CELF4: variants seen among roughly 807,000 people sequenced by gnomAD.
CELF4 encodes CUGBP Elav-like family member 4.
In CELF4, 18 loss-of-function variants were observed where a neutral mutation model predicts 59.9. That is an observed-to-expected ratio of 0.30 (90% confidence interval 0.21 to 0.45). The LOEUF (loss-of-function observed/expected upper bound fraction) is 0.45, where lower values mean the gene tolerates loss of function less well. CELF4 is among the 20% of genes least tolerant of loss of function. The probability of loss-of-function intolerance (pLI) is 1.00; values close to 1 mark genes in which losing one functional copy is unlikely to be tolerated. For synonymous variants in CELF4, 261 were observed against 267.1 expected (o/e 0.98, Z 0.22); for missense variants, 456 against 689.0 (o/e 0.66, Z 3.79).
rs527300608 is a variant in CELF4 at position 37,322,126 on chromosome 18, C to T, written c.370-245G>A. Among the ~76,000 whole-genome samples the T allele has an allele frequency of 1.1e-3, 174 of 152,354 alleles. 2 individuals carry two copies. The highest frequency in any genetic ancestry group is 2.1e-3 in the Non-Finnish European group (145 of 68,036). ...CTGGACAGGAGACTTTGAGATGCCTCCTCCTCCTACTCCGAGCAGCAGCTC... is the reference window on the plus strand; with the variant it reads ...CTGGACAGGAGACTTTGAGATGCCTTCTCCTCCTACTCCGAGCAGCAGCTC... On this transcript the variant is annotated intron_variant, in intron 2 of 12. Coordinates refer to ENST00000420428, the MANE Select transcript of CELF4 (RefSeq NM_020180.4).
chr18:37,467,820 G>A (rs985231746), intron 2 of CELF4, among the ~76,000 whole-genome samples: 3 of 152,182 alleles, frequency 2.0e-5, no homozygotes, highest in Non-Finnish European at 4.4e-5. Flanking sequence ...AATTCCAAAG[G>A]AGTCTGAGAA....
At position 37,254,327 on chromosome 18, in the gene CELF4, G is replaced by C. The variant is rs1260189664; in HGVS notation, c.1334-389C>G. ...CACCTGCGGGTGGAGGAGTTTATTG[G>C]ACACTGTCCTCCCTGACAGGAGGGG... is the stretch of plus-strand genomic sequence containing the variant. On this transcript the variant is annotated intron_variant, in intron 11 of 12. Transcript: ENST00000420428. The surrounding 1 kb of genome is among the most constrained non-coding windows in gnomAD (Gnocchi z 5.1). 6.6e-6 allele frequency among the ~76,000 whole-genome samples: 1 copy of C among 151,816 alleles called. No individual in the cohort carries two copies. Among genetic ancestry groups the C allele is most frequent in the Non-Finnish European group, 1.5e-5 (1 of 67,870 alleles).
chr18:37,470,877 T>TGAGAGAGAGAGA (rs1569569550), intron 2 of CELF4, among the ~76,000 whole-genome samples: 6 of 96,984 alleles, frequency 6.2e-5, no homozygotes, highest in Non-Finnish European at 1.3e-4. Context: ...TGTGTGTGTG[T>TGAGAGAGAGAGA]GTGTGTGTGT....
At chr18:37,322,003 A>G (rs746219715) in intron 2 of CELF4, 122 bp from the exon 3 acceptor site, 13 of 650,958 alleles carry the variant, frequency 2.0e-5, no homozygotes, top group Non-Finnish European at 3.3e-5. Flanking sequence ...ACGCGCTCCC[A>G]CAACATGCTG....
intron 1 of CELF4, among the ~76,000 whole-genome samples, chr18:37,520,824 G>T (rs975279090): frequency 1.3e-5 from 2 of 152,160 alleles, no homozygotes; most frequent in Admixed American, 1.3e-4. Flanking sequence ...CTCACAGTAG[G>T]TGTTCAGTCC....
intron 2 of CELF4, among the ~76,000 whole-genome samples, chr18:37,468,213 G>A (rs557143757): frequency 1.8e-4 from 27 of 152,318 alleles, no homozygotes; most frequent in East Asian, 5.8e-4. Flanking sequence ...TTTCAAATGC[G>A]TCTTTGGTTG....
chr18:37,481,626 C>A (rs535831946), intron 2 of CELF4, among the ~76,000 whole-genome samples: 1 of 152,322 alleles, frequency 6.6e-6, no homozygotes, highest in East Asian at 1.9e-4. Flanking sequence ...GCCTCTCCTG[C>A]CCTGTGTGAG....
At chr18:37,273,960 C>A (rs553509053) in intron 6 of CELF4, 2 of 1,120,476 alleles carry the variant, frequency 1.8e-6, no homozygotes, top group African/African-American at 1.7e-5. Context: ...TGGTTTGCAA[C>A]CAATGACCTG....
At chr18:37,496,714 G>A (rs1603642677) in intron 1 of CELF4, among the ~76,000 whole-genome samples, 1 of 152,244 alleles carries the variant, frequency 6.6e-6, no homozygotes, top group East Asian at 1.9e-4. Context: ...CAGTCCAGCT[G>A]TCGATAGAGG....
intron 3 of CELF4, among the ~76,000 whole-genome samples, chr18:37,293,662 A>G (rs1274354971): frequency 1.3e-5 from 2 of 152,188 alleles, no homozygotes; most frequent in Admixed American, 6.5e-5. Context: ...GAAGGAAGGG[A>G]CAGGCCAAGT....
At chr18:37,268,388 A>G (rs2078767997) in intron 8 of CELF4, among the ~76,000 whole-genome samples, 1 of 152,176 alleles carries the variant, frequency 6.6e-6, no homozygotes, top group African/African-American at 2.4e-5. Flanking sequence ...TAGAAGGAGA[A>G]CCACGTCCGG....
At chr18:37,552,055 T>A (rs1391788764) in intron 1 of CELF4, among the ~76,000 whole-genome samples, 1 of 152,252 alleles carries the variant, frequency 6.6e-6, no homozygotes, top group African/African-American at 2.4e-5. Context: ...AGGCTGGGCT[T>A]ATGCCGTCTT....
intron 2 of CELF4, among the ~76,000 whole-genome samples, chr18:37,331,119 C>A (rs2097528003): frequency 6.6e-6 from 1 of 152,206 alleles, no homozygotes; most frequent in African/African-American, 2.4e-5. Context: ...CAGCTCTTCA[C>A]CCCTCTCCAT....
chr18:37,564,971 C>T (rs1223955664), intron 1 of CELF4, among the ~76,000 whole-genome samples: 1 of 152,134 alleles, frequency 6.6e-6, no homozygotes, highest in Non-Finnish European at 1.5e-5. Context: ...CCTCGGTCCT[C>T]GGCCGGCCAG....
intron 12 of CELF4, among the ~76,000 whole-genome samples, chr18:37,249,044 C>G (rs1014874447): frequency 6.6e-6 from 1 of 152,196 alleles, no homozygotes; most frequent in African/African-American, 2.4e-5. Context: ...CGGCCTCCAG[C>G]TCAACCTTCA....
At chr18:37,543,450 T>G (rs530979857) in intron 1 of CELF4, among the ~76,000 whole-genome samples, 3 of 152,270 alleles carry the variant, frequency 2.0e-5, no homozygotes, top group Non-Finnish European at 4.4e-5. Flanking sequence ...CTGAATTTAC[T>G]TTTGCTTGGG....
intron 2 of CELF4, among the ~76,000 whole-genome samples, chr18:37,467,126 C>G (rs780523752): frequency 6.6e-6 from 1 of 152,214 alleles, no homozygotes; most frequent in South Asian, 2.1e-4. Context: ...TGTCACTATA[C>G]GGGTCATTAT....
chr18:37,264,968 G>A (rs934587395), intron 9 of CELF4, among the ~76,000 whole-genome samples: 15 of 151,618 alleles, frequency 9.9e-5, no homozygotes, highest in African/African-American at 3.1e-4. Flanking sequence ...GTGTGTGTAC[G>A]TGTGTGTGTG....
intron 3 of CELF4, among the ~76,000 whole-genome samples, chr18:37,285,328 G>A (rs1196948246): frequency 6.6e-6 from 1 of 152,150 alleles, no homozygotes; most frequent in African/African-American, 2.4e-5. Flanking sequence ...GTCCTCTCTC[G>A]TCGTCACGCA....
Sources: gnomAD v4.1 joint callset for allele counts (sites outside exome capture counted in the v4.1 genomes callset) on GRCh38, gnomAD v4.1.1 for gene constraint, Gnocchi (gnomAD v3.1) non-coding constraint, MANE v1.5 for transcripts, NCBI Gene and HGNC (gene_info 2026-07-23, HGNC 2026-07-21) for gene names.